Variants in SERINC5 observed in about 807,000 individuals in gnomAD.
SERINC5 encodes the protein chromosome 5 open reading frame 12.
A neutral mutation model predicts 63.1 loss-of-function variants in SERINC5; 41 were observed. That is an observed-to-expected ratio of 0.65 (90% confidence interval 0.51 to 0.84). SERINC5 has a LOEUF of 0.84. Among genes scored for constraint, SERINC5 ranks in the 40% least tolerant of loss-of-function variants. The pLI is 0.00. For missense variants in SERINC5, 523 were observed against 573.0 expected, an observed-to-expected ratio of 0.91 and a Z score of 0.89; for synonymous variants, 222 against 215.2, an observed-to-expected ratio of 1.03 and a Z score of -0.28.
chr5:80,123,762 G>T (rs537795302), intron 11 of SERINC5, among the ~76,000 whole-genome samples: 2 of 152,128 alleles, frequency 1.3e-5, no homozygotes, highest in African/African-American at 4.8e-5. Context: ...GAACGTGCAG[G>T]GTCCATCAGT....
intron 11 of SERINC5, chr5:80,116,004 C>T: frequency 3.7e-6 from 1 of 271,348 alleles, no homozygotes; most frequent in Non-Finnish European, 7.2e-6. Flanking sequence ...GTTAATTCCA[C>T]ACACACGTGA....
At position 80,177,415 on chromosome 5, in the gene SERINC5, A is replaced by C. The variant is rs772259973; in HGVS notation, c.375-18T>G. ...ACCAAAAGCTAGAAGTGGGGGGAAA[A>C]AAAAGAGGAAATGTATTTAAATGAC... On this transcript the variant is annotated intron_variant, in intron 3 of 11. Coordinates refer to ENST00000507668, the MANE Select transcript of SERINC5 (RefSeq NM_001174072.3). 3 of 1,591,610 alleles carry C rather than the reference A, an allele frequency of 1.9e-6. No individual in the cohort carries two copies. Among genetic ancestry groups the C allele is most frequent in the East Asian group, 4.5e-5 (2 of 44,766 alleles).
chr5:80,197,492 G>A (rs767402079), intron 2 of SERINC5, among the ~76,000 whole-genome samples: 1 of 152,098 alleles, frequency 6.6e-6, no homozygotes, highest in Admixed American at 6.6e-5. Context: ...GGGAAGATGG[G>A]GAGGGAGTGG....
At chr5:80,220,686 G>A (rs559188352) in intron 1 of SERINC5, among the ~76,000 whole-genome samples, 5 of 152,216 alleles carry the variant, frequency 3.3e-5, no homozygotes, top group African/African-American at 1.2e-4. Flanking sequence ...TGAGGTAGGC[G>A]CCTCTGAGTC....
At chr5:80,251,257 C>G (rs1407179533) in intron 1 of SERINC5, among the ~76,000 whole-genome samples, 1 of 150,314 alleles carries the variant, frequency 6.7e-6, no homozygotes, top group South Asian at 2.1e-4. Flanking sequence ...CCAGCCTGGG[C>G]AAGAGCTAGA....
At chr5:80,243,071 G>A (rs1268999191) in intron 1 of SERINC5, among the ~76,000 whole-genome samples, 2 of 152,214 alleles carry the variant, frequency 1.3e-5, no homozygotes, top group African/African-American at 4.8e-5. Context: ...GTCGATCTCA[G>A]TCGTGGGCTT....
chr5:80,143,845 A>T, intron 11 of SERINC5, 35 bp from the exon 12 acceptor site: 1 of 1,534,480 alleles, frequency 6.5e-7, no homozygotes, highest in Non-Finnish European at 8.7e-7. Flanking sequence ...CGGTCAAAGC[A>T]GGAATATATT....
chr5:80,228,615 C>T (rs1010014814), intron 1 of SERINC5, among the ~76,000 whole-genome samples: 1 of 152,018 alleles, frequency 6.6e-6, no homozygotes, highest in African/African-American at 2.4e-5. Flanking sequence ...GCCACCATGC[C>T]CTGCTAGTTT....
intron 2 of SERINC5, among the ~76,000 whole-genome samples, chr5:80,188,319 G>A (rs894026402): frequency 1.3e-5 from 2 of 149,430 alleles, no homozygotes; most frequent in Non-Finnish European, 3.0e-5. Flanking sequence ...AACTGCAAAG[G>A]ATTATTCTCA....
At chr5:80,225,415 G>T (rs937274999) in intron 1 of SERINC5, among the ~76,000 whole-genome samples, 1 of 152,208 alleles carries the variant, frequency 6.6e-6, no homozygotes, top group African/African-American at 2.4e-5. Flanking sequence ...AATGATTGGT[G>T]TAACACCTTG....
At chr5:80,207,604 T>C (rs1750236005) in intron 1 of SERINC5, among the ~76,000 whole-genome samples, 2 of 152,216 alleles carry the variant, frequency 1.3e-5, no homozygotes, top group Non-Finnish European at 2.9e-5. Context: ...TATGCCATTG[T>C]ATGGATCTGA....
intron 1 of SERINC5, among the ~76,000 whole-genome samples, chr5:80,237,622 A>C (rs1751755370): frequency 6.6e-6 from 1 of 151,866 alleles, no homozygotes; most frequent in Non-Finnish European, 1.5e-5. Context: ...AGCAAGAGCC[A>C]CCTCCCCACC....
intron 2 of SERINC5, among the ~76,000 whole-genome samples, chr5:80,182,546 C>CG (rs1288860758): frequency 2.5e-5 from 1 of 39,698 alleles, no homozygotes. Context: ...ATCTGACCGC[C>CG]CCCCCCCCCT....
chr5:80,142,709 G>A lies in SERINC5; in HGVS notation c.*954C>T, dbSNP rs1267451989. Reference sequence around the variant, plus strand: ...GGCCTCAAGGTGGAGAAAAAACTGAGGGGCTGACCTCAACAACTGAAAGAG... The same window carrying A: ...GGCCTCAAGGTGGAGAAAAAACTGAAGGGCTGACCTCAACAACTGAAAGAG... On this transcript the variant is annotated 3_prime_UTR_variant, in exon 12 of 12. Coordinates refer to ENST00000507668, the MANE Select transcript of SERINC5 (RefSeq NM_001174072.3). The A allele has an allele frequency of 6.1e-6, 6 of 985,336 alleles. No homozygotes were observed. Among genetic ancestry groups the A allele is most frequent in the Non-Finnish European group, 7.2e-6 (6 of 829,952 alleles). The allele number at this position is 985,336 out of a possible 1,614,324, so 61.0% of individuals were successfully genotyped here. A position where few individuals can be genotyped will look rare whatever the true frequency, so the allele number is the denominator to read the frequency against.
intron 1 of SERINC5, among the ~76,000 whole-genome samples, chr5:80,239,179 C>A (rs1361247413): frequency 6.6e-6 from 1 of 152,182 alleles, no homozygotes; most frequent in Non-Finnish European, 1.5e-5. Flanking sequence ...CATGGACAGC[C>A]CATAAGCCAT....
intron 2 of SERINC5, among the ~76,000 whole-genome samples, chr5:80,191,048 T>C (rs1749151011): frequency 2.0e-5 from 3 of 151,908 alleles, no homozygotes; most frequent in Non-Finnish European, 1.5e-5. Flanking sequence ...CGAACCAAAA[T>C]GAAGCCACTT....
chr5:80,220,343 G>A (rs1195262637), intron 1 of SERINC5, among the ~76,000 whole-genome samples: 1 of 152,116 alleles, frequency 6.6e-6, no homozygotes, highest in Non-Finnish European at 1.5e-5. Context: ...GTGAAGACTA[G>A]CACTCCGGCA....
chr5:80,127,881 C>T (rs2112248007), intron 11 of SERINC5, among the ~76,000 whole-genome samples: 1 of 152,198 alleles, frequency 6.6e-6, no homozygotes, highest in African/African-American at 2.4e-5. Context: ...AAAGCAGACT[C>T]ACATTTCTAT....
At chr5:80,207,352 T>G (rs1457205859) in intron 1 of SERINC5, among the ~76,000 whole-genome samples, 1 of 152,222 alleles carries the variant, frequency 6.6e-6, no homozygotes, top group Non-Finnish European at 1.5e-5. Context: ...TTATTCTATT[T>G]GGGAAAATAA....
Sources: allele counts gnomAD v4.1 joint callset (sites outside exome capture counted in the v4.1 genomes callset), GRCh38; gene constraint gnomAD v4.1.1; transcripts MANE v1.5; gene names NCBI Gene and HGNC (gene_info 2026-07-23, HGNC 2026-07-21).